Variants in MAP7D3 observed in about 807,000 individuals in gnomAD.
MAP7D3 encodes MAP7 domain-containing protein 3.
MAP7D3 carries 45 observed loss-of-function variants against 62.2 expected under a neutral mutation model. That is an observed-to-expected ratio of 0.72 (90% confidence interval 0.57 to 0.93). The LOEUF (loss-of-function observed/expected upper bound fraction) is 0.93, where lower values mean the gene tolerates loss of function less well. MAP7D3 is among the 40% of genes least tolerant of loss of function. MAP7D3 has a pLI of 0.00. For missense variants in MAP7D3, 711 were observed against 683.1 expected (o/e 1.04, Z -0.45); for synonymous variants, 288 against 248.8 (o/e 1.16, Z -1.48).
In MAP7D3 at chrX:136,244,656, T is replaced by C; in HGVS notation, c.393A>G (p.Arg131=). 1 of 1,210,107 alleles carries C rather than the reference T, an allele frequency of 8.3e-7. No individual in the cohort carries two copies. The highest frequency in any genetic ancestry group is 1.1e-6 in the Non-Finnish European group (1 of 894,821). The change falls in exon 4 of 19, where the codon AGA becomes AGG. Residue 131 remains arginine, a synonymous_variant. Transcript: ENST00000316077. ...CCTTTTGTGCTTCATCCTTCTGGTG[T>C]CTTTTTTCTTCTGCAGCTATTCTCC... ...EQRRIAAEEK[R]HQKDEAQKEK...
chrX:136,215,568 T>C (rs1255212849), downstream of MAP7D3, among the ~76,000 whole-genome samples: 3 of 111,709 alleles, frequency 2.7e-5, no homozygotes, highest in African/African-American at 9.8e-5. Flanking sequence ...TATATTACAA[T>C]GTAATAATAG....
At chrX:136,255,352 A>G (rs2074545956), upstream of MAP7D3, among the ~76,000 whole-genome samples, 1 of 112,987 alleles carries the variant, frequency 8.9e-6, no homozygotes, top group South Asian at 3.6e-4. Flanking sequence ...GCATTATTTG[A>G]TATGCCTTTT....
downstream of MAP7D3, among the ~76,000 whole-genome samples, chrX:136,216,408 G>GAAGAAGA (rs1186568991): frequency 1.5e-4 from 11 of 74,336 alleles, no homozygotes; most frequent in Non-Finnish European, 2.4e-4. Flanking sequence ...GAAAGAAGAA[G>GAAGAAGA]AAGAAGAAAG....
At chrX:136,235,530 T>A (rs746588326) in intron 7 of MAP7D3, among the ~76,000 whole-genome samples, 1 of 111,586 alleles carries the variant, frequency 9.0e-6, no homozygotes, top group East Asian at 2.8e-4. Context: ...AGGCGGATCA[T>A]CTGAGGTCAG....
chrX:136,250,334 G>A (rs1246813544), intron 1 of MAP7D3, among the ~76,000 whole-genome samples: 2 of 112,228 alleles, frequency 1.8e-5, no homozygotes, highest in Admixed American at 9.4e-5. Flanking sequence ...GCTCATAGCA[G>A]AGGGAACTAG....
intron 14 of MAP7D3, among the ~76,000 whole-genome samples, chrX:136,224,481 CAA>C (rs368465251): frequency 6.0e-5 from 4 of 66,346 alleles, no homozygotes; most frequent in Admixed American, 3.4e-4. Context: ...ACATTGTATA[CAA>C]AAAAAAAAAA....
downstream of MAP7D3, chrX:136,214,613 G>A (rs1189954774): frequency 8.9e-6 from 1 of 111,964 alleles, no homozygotes; most frequent in Non-Finnish European, 1.9e-5. Context: ...AATGTCACAC[G>A]TGAGCTAGCA....
At chrX:136,216,743 G>A (rs12687777), downstream of MAP7D3, 3 of 112,006 alleles carry the variant, frequency 2.7e-5, no homozygotes, top group Non-Finnish European at 5.6e-5. Context: ...TCATAGCTCA[G>A]CCAACAATTG....
chrX:136,227,856 T>C (rs1263232109), intron 11 of MAP7D3, among the ~76,000 whole-genome samples: 1 of 111,579 alleles, frequency 9.0e-6, no homozygotes, highest in African/African-American at 3.3e-5. Flanking sequence ...ATCAGCTCTG[T>C]TTATATGAAG....
intron 1 of MAP7D3, among the ~76,000 whole-genome samples, chrX:136,247,445 G>A (rs187367509): frequency 7.2e-5 from 8 of 111,699 alleles, no homozygotes; most frequent in African/African-American, 2.6e-4. Context: ...AGTTGAAGAT[G>A]GGCAGTTAAA....
At chrX:136,247,143 G>A (rs2074456763) in intron 1 of MAP7D3, among the ~76,000 whole-genome samples, 1 of 112,578 alleles carries the variant, frequency 8.9e-6, no homozygotes, top group Non-Finnish European at 1.9e-5. Context: ...GCAGAAAAGT[G>A]ATAAACTTCA....
At chrX:136,221,316 G>A (rs756062543) in intron 15 of MAP7D3, among the ~76,000 whole-genome samples, 16 of 111,641 alleles carry the variant, frequency 1.4e-4, no homozygotes, top group African/African-American at 4.2e-4. Context: ...TGTGCATTTC[G>A]TCTTACCTCT....
intron 1 of MAP7D3, 75 bp downstream of exon 1, chrX:136,251,214 G>A: frequency 2.2e-6 from 2 of 913,774 alleles, no homozygotes; most frequent in Admixed American, 3.3e-5. Flanking sequence ...GCGCCGCTCC[G>A]ACGGCCCGGG....
At chrX:136,226,636 A>G (rs2074200669) in intron 12 of MAP7D3, among the ~76,000 whole-genome samples, 1 of 111,834 alleles carries the variant, frequency 8.9e-6, no homozygotes, top group Non-Finnish European at 1.9e-5. Context: ...GGAGTTGTAT[A>G]TGGTACCACA....
chrX:136,237,463 T>C (rs1255935555), intron 6 of MAP7D3, among the ~76,000 whole-genome samples: 1 of 112,440 alleles, frequency 8.9e-6, no homozygotes, highest in Non-Finnish European at 1.9e-5. Flanking sequence ...TTGATCTCTC[T>C]GGATTGACCA....
chrX:136,241,495 T>A (rs758000826), intron 4 of MAP7D3, among the ~76,000 whole-genome samples: 14 of 112,088 alleles, frequency 1.2e-4, no homozygotes, highest in Non-Finnish European at 2.1e-4. Context: ...TGACCATGCT[T>A]TCCTCTTTGT....
At chrX:136,221,888 A>C (rs930886967) in intron 15 of MAP7D3, 8 of 113,081 alleles carry the variant, frequency 7.1e-5, no homozygotes, top group African/African-American at 2.6e-4. Flanking sequence ...CTGGCAGGAA[A>C]AATATGGACA....
intron 6 of MAP7D3, among the ~76,000 whole-genome samples, chrX:136,238,520 A>T (rs891809635): frequency 3.5e-4 from 39 of 112,073 alleles, no homozygotes; most frequent in African/African-American, 1.2e-3. Context: ...GTGAATAATA[A>T]ATTAATTTTA....
At chrX:136,226,806 G>A (rs2074202569) in intron 12 of MAP7D3, among the ~76,000 whole-genome samples, 1 of 112,170 alleles carries the variant, frequency 8.9e-6, no homozygotes, top group Non-Finnish European at 1.9e-5. Context: ...ACCTGCAGTG[G>A]TACTGGGTAA....
Sources: allele counts gnomAD v4.1 joint callset (sites outside exome capture counted in the v4.1 genomes callset), GRCh38; gene constraint gnomAD v4.1.1; transcripts MANE v1.5; gene names NCBI Gene and HGNC (gene_info 2026-07-23, HGNC 2026-07-21).